Variants in MYT1L observed in about 807,000 individuals in gnomAD.
MYT1L encodes myelin transcription factor 1-like protein.
In MYT1L, 12 loss-of-function variants were observed where a neutral mutation model predicts 126.7. The ratio of observed to expected loss-of-function variants is 0.09; its 90% confidence interval spans 0.06 to 0.15. MYT1L has a LOEUF of 0.15. MYT1L is among the 10% of genes least tolerant of loss of function. The probability of loss-of-function intolerance (pLI) is 1.00; values close to 1 mark genes in which losing one functional copy is unlikely to be tolerated. For missense variants in MYT1L, 979 were observed against 1,585.2 expected (o/e 0.62, Z 6.49); for synonymous variants, 541 against 604.2 (o/e 0.90, Z 1.53).
rs766933999 is a variant in MYT1L, at chr2:1,923,242, T to C, written c.527A>G (p.His176Arg). 5.6e-6 allele frequency: 9 copies of C among 1,594,668 alleles called. No individual in the cohort carries two copies. The highest frequency in any genetic ancestry group is 7.7e-6 in the Non-Finnish European group (9 of 1,168,132). Residue 176 changes from histidine (H) to arginine (R), a missense_variant, in exon 10 of 25, where the codon CAC becomes CGC. Physicochemically the swap from His to Arg is conservative, Grantham distance 29. Transcript: ENST00000647738. ...TGTGTCTTGCATTATTCGAGTATTG[T>C]GACAATTCATTTGATGGTCTTCTGC... ...EENEDHQMNCHNTRIMQDTEK... is the reference protein window; with the variant it reads ...EENEDHQMNCRNTRIMQDTEK...
At position 1,848,523 on chromosome 2, in the gene MYT1L, G is replaced by C. The variant is rs929724887; in HGVS notation, c.2774+3118C>G. On this transcript the variant is annotated intron_variant, in intron 19 of 24. Transcript: ENST00000647738. The surrounding 1 kb of genome is among the most constrained non-coding windows in gnomAD (Gnocchi z 4.8). ...AACTACCTTGAATTGTGGCATAACT[G>C]AGGGAAAAAGAAGGCCAGTGAATCA... 2.0e-5 allele frequency among the ~76,000 whole-genome samples: 3 copies of C among 152,176 alleles called. No individual in the cohort carries two copies. Among genetic ancestry groups the C allele is most frequent in the African/African-American group, 7.2e-5 (3 of 41,436 alleles).
intron 18 of MYT1L, among the ~76,000 whole-genome samples, chr2:1,870,865 G>C (rs957386780): frequency 2.0e-5 from 3 of 152,228 alleles, no homozygotes; most frequent in Admixed American, 6.5e-5. Context: ...AGTGTCCTAC[G>C]TGTGGAAGCA....
chr2:2,005,069 TGCGTTCTTTCCTGCAG>T (rs1275079451), intron 4 of MYT1L, among the ~76,000 whole-genome samples: 3 of 147,712 alleles, frequency 2.0e-5, no homozygotes, highest in East Asian at 2.1e-4. Context: ...CTTTCCTGCA[TGCGTTCTTTCCTGCAG>T]GCGTTCTTTC....
At chr2:1,822,307 T>G (rs1311920674) in intron 21 of MYT1L, among the ~76,000 whole-genome samples, 2 of 152,198 alleles carry the variant, frequency 1.3e-5, no homozygotes, top group Non-Finnish European at 2.9e-5. Flanking sequence ...TTTTAAGATT[T>G]AGTGGAGATA....
At chr2:1,878,316 G>C (rs2148770010) in intron 18 of MYT1L, among the ~76,000 whole-genome samples, 1 of 152,276 alleles carries the variant, frequency 6.6e-6, no homozygotes, top group East Asian at 1.9e-4. Flanking sequence ...AACAAAAAAA[G>C]ATACCAGTAT....
intron 3 of MYT1L, among the ~76,000 whole-genome samples, chr2:2,151,680 C>T (rs975423205): frequency 6.6e-6 from 1 of 152,070 alleles, no homozygotes; most frequent in Non-Finnish European, 1.5e-5. Context: ...TATATACATA[C>T]CTAGGATAAA....
intron 2 of MYT1L, among the ~76,000 whole-genome samples, chr2:2,255,977 G>T (rs1276991256): frequency 6.6e-6 from 1 of 152,184 alleles, no homozygotes; most frequent in Non-Finnish European, 1.5e-5. Flanking sequence ...CTTTTCTGCA[G>T]CTACCAAGTC....
At chr2:1,896,907 C>A (rs983140893) in intron 14 of MYT1L, among the ~76,000 whole-genome samples, 1 of 152,182 alleles carries the variant, frequency 6.6e-6, no homozygotes, top group Non-Finnish European at 1.5e-5. Context: ...CTTGAATCAC[C>A]TTAAATTATC....
At position 1,912,476 on chromosome 2, in the gene MYT1L, G is replaced by A. The variant is rs1360601390; in HGVS notation, c.1619-366C>T. On this transcript the variant is annotated intron_variant, in intron 11 of 24. Transcript: ENST00000647738. The surrounding 1 kb of genome is among the most constrained non-coding windows in gnomAD (Gnocchi z 4.3). ...CTCTTTCCTGATGGGCTAGGGGAGC[G>A]AGGGCCTCACAGATATTACCCATGC... 6.6e-6 allele frequency among the ~76,000 whole-genome samples: 1 copy of A among 152,146 alleles called. No homozygotes were observed.
chr2:1,880,537 A>C (rs1158203968), intron 18 of MYT1L, among the ~76,000 whole-genome samples: 1 of 152,198 alleles, frequency 6.6e-6, no homozygotes, highest in Non-Finnish European at 1.5e-5. Flanking sequence ...GTCTACATGC[A>C]GCATGTTTCA....
intron 18 of MYT1L, among the ~76,000 whole-genome samples, chr2:1,864,495 A>G (rs563989300): frequency 2.6e-5 from 4 of 152,202 alleles, no homozygotes; most frequent in Admixed American, 2.6e-4. Context: ...CCCGTTCAAC[A>G]TGGGGCCCCA....
At chr2:1,802,095 T>G (rs1247293248) in intron 22 of MYT1L, 1 of 268,860 alleles carries the variant, frequency 3.7e-6, no homozygotes, top group Non-Finnish European at 6.9e-6. Context: ...CTTAGATGTA[T>G]CGAGGCAGAA....
At chr2:2,233,027 C>A (rs17247253) in intron 2 of MYT1L, among the ~76,000 whole-genome samples, 23,314 of 152,154 alleles carry the variant, frequency 0.15, 2,003 homozygotes, top group South Asian at 0.33. Flanking sequence ...TTCAGGAAGC[C>A]CCTGACTCAG....
chr2:1,939,135 C>A (rs1186952258), intron 9 of MYT1L, among the ~76,000 whole-genome samples: 1 of 152,226 alleles, frequency 6.6e-6, no homozygotes, highest in Non-Finnish European at 1.5e-5. Context: ...CTGGTTTCTG[C>A]ACTCAGACGG....
intron 2 of MYT1L, among the ~76,000 whole-genome samples, chr2:2,242,860 A>C (rs1406242355): frequency 2.0e-5 from 3 of 152,222 alleles, no homozygotes; most frequent in Non-Finnish European, 4.4e-5. Flanking sequence ...GATGTGCCCA[A>C]GTTTTAGCAA....
At chr2:2,165,561 A>T (rs2088920897) in intron 3 of MYT1L, among the ~76,000 whole-genome samples, 1 of 152,228 alleles carries the variant, frequency 6.6e-6, no homozygotes, top group South Asian at 2.1e-4. Context: ...GAATATTCAC[A>T]TTTCCCCAAC....
intron 2 of MYT1L, among the ~76,000 whole-genome samples, chr2:2,197,319 T>C (rs956219333): frequency 2.0e-5 from 3 of 152,106 alleles, no homozygotes; most frequent in Admixed American, 6.6e-5. Context: ...GTTTCCTTGA[T>C]TTATAATTTT....
chr2:2,158,618 AAC>A (rs74164556), intron 3 of MYT1L, among the ~76,000 whole-genome samples: 2,370 of 143,558 alleles, frequency 0.017, 34 homozygotes, highest in African/African-American at 0.037. Flanking sequence ...CCATGGCATA[AAC>A]ACACACACAC....
chr2:1,978,828 G>A (rs575825414), intron 8 of MYT1L, among the ~76,000 whole-genome samples: 46 of 152,116 alleles, frequency 3.0e-4, no homozygotes, highest in Non-Finnish European at 5.4e-4. Context: ...GAATGAGGAC[G>A]TGAGGAAGGA....
Sources: allele counts gnomAD v4.1 joint callset (sites outside exome capture counted in the v4.1 genomes callset), GRCh38; gene constraint gnomAD v4.1.1; non-coding constraint Gnocchi (gnomAD v3.1); transcripts MANE v1.5; gene names NCBI Gene and HGNC (gene_info 2026-07-23, HGNC 2026-07-21).